The following TRIO variants were observed in gnomAD, a reference collection of about 807,000 sequenced individuals.
TRIO encodes the protein triple functional domain protein.
TRIO carries 58 observed loss-of-function variants against 351.9 expected under a neutral mutation model. The ratio of observed to expected loss-of-function variants is 0.16; its 90% CI spans 0.13 to 0.21. The LOEUF is 0.21. Among genes scored for constraint, TRIO ranks in the 10% least tolerant of loss-of-function variants. TRIO has a pLI of 1.00. For missense variants in TRIO, 3,201 were observed against 4,027.8 expected, an observed-to-expected ratio of 0.79 and a Z score of 5.56; for synonymous variants, 1,758 against 1,595.7, an observed-to-expected ratio of 1.10 and a Z score of -2.42.
intron 6 of TRIO, among the ~76,000 whole-genome samples, chr5:14,296,397 C>A (rs886271198): frequency 1.3e-5 from 2 of 151,940 alleles, no homozygotes; most frequent in Admixed American, 1.3e-4. Flanking sequence ...GCTTGTTCTG[C>A]AAAAAGGGTG....
chr5:14,153,325 C>G (rs1441474064), intron 1 of TRIO, among the ~76,000 whole-genome samples: 1 of 152,192 alleles, frequency 6.6e-6, no homozygotes, highest in Non-Finnish European at 1.5e-5. Context: ...TGAGATAGCA[C>G]CTTTGGAATT....
Position 14,508,464 on chromosome 5 carries a change from C to A in TRIO, c.*42C>A. The stretch of plus-strand genomic sequence containing the variant: ...TTCTCATTCTCTTTCACCTGCCAAT[C>A]AGCTGTTAATCTGAATTTTCAAGAG... On this transcript the variant is annotated 3_prime_UTR_variant, in exon 57 of 57. Coordinates refer to ENST00000344204, the MANE Select transcript of TRIO (RefSeq NM_007118.4). 6.5e-7 allele frequency: 1 copy of A among 1,541,170 alleles called. No homozygotes were observed. Among genetic ancestry groups the A allele is most frequent in the South Asian group, 1.3e-5 (1 of 78,530 alleles).
At chr5:14,175,755 T>C (rs1463243144) in intron 1 of TRIO, among the ~76,000 whole-genome samples, 1 of 152,238 alleles carries the variant, frequency 6.6e-6, no homozygotes, top group Non-Finnish European at 1.5e-5. Flanking sequence ...ATTTCTAACA[T>C]AGAATACTAT....
intron 21 of TRIO, among the ~76,000 whole-genome samples, chr5:14,386,939 G>A (rs987570405): frequency 1.3e-5 from 2 of 152,212 alleles, no homozygotes; most frequent in Non-Finnish European, 2.9e-5. Context: ...GAATTTTGTT[G>A]AGTGCCTGCT....
At chr5:14,322,294 T>C (rs1220531416) in intron 9 of TRIO, among the ~76,000 whole-genome samples, 1 of 152,234 alleles carries the variant, frequency 6.6e-6, no homozygotes, top group Non-Finnish European at 1.5e-5. Context: ...GTTGGTCTTA[T>C]ATCTGGGAGA....
chr5:14,198,375 C>G (rs1790901330), intron 1 of TRIO, among the ~76,000 whole-genome samples: 2 of 152,160 alleles, frequency 1.3e-5, no homozygotes, highest in Admixed American at 6.5e-5. Context: ...TGCTCTCTGC[C>G]TAACATTTAA....
intron 1 of TRIO, among the ~76,000 whole-genome samples, chr5:14,238,530 C>T (rs1336995176): frequency 2.6e-5 from 4 of 152,266 alleles, no homozygotes; most frequent in South Asian, 2.1e-4. Flanking sequence ...GGATTCCTGC[C>T]GCTGGTGCAT....
intron 11 of TRIO, among the ~76,000 whole-genome samples, chr5:14,352,460 T>C (rs1561379330): frequency 1.3e-5 from 2 of 152,262 alleles, no homozygotes; most frequent in African/African-American, 2.4e-5. Flanking sequence ...GTAAGAATTT[T>C]ATAGGCATCC....
intron 31 of TRIO, among the ~76,000 whole-genome samples, chr5:14,402,840 GGTGGTAGTGCTAGTGCAGGCA>G (rs1231671935): frequency 1.3e-5 from 2 of 151,836 alleles, no homozygotes; most frequent in African/African-American, 4.8e-5. Flanking sequence ...TAGTACAGGC[GGTGGTAGTGCTAGTGCAGGCA>G]GTGGTAGTGT....
At chr5:14,363,386 C>T (rs6898836) in intron 13 of TRIO, among the ~76,000 whole-genome samples, 1,922 of 152,170 alleles carry the variant, frequency 0.013, 38 homozygotes, top group African/African-American at 0.043. Flanking sequence ...TTTTGAACAC[C>T]ATTAGGAATA....
Position 14,301,360 on chromosome 5 carries a change from C to G in TRIO, c.1369-3101C>G, listed in dbSNP as rs115039002. Among the ~76,000 whole-genome samples, 1,072 of 152,198 alleles carry G rather than the reference C, an allele frequency of 7.0e-3. 15 individuals carry two copies. The highest frequency in any genetic ancestry group is 0.025 in the African/African-American group (1,034 of 41,528). ...CTGACAGAGCAACATTTCATTCTTTCGCACTCTCCTGCCTTTATCCCCAGT... is the reference window on the plus strand; with the variant it reads ...CTGACAGAGCAACATTTCATTCTTTGGCACTCTCCTGCCTTTATCCCCAGT... On this transcript the variant is annotated intron_variant, in intron 7 of 56. Transcript: ENST00000344204.
intron 34 of TRIO, among the ~76,000 whole-genome samples, chr5:14,439,944 T>C (rs1412031328): frequency 2.6e-5 from 4 of 152,194 alleles, no homozygotes; most frequent in African/African-American, 9.6e-5. Context: ...AGAAAGAAAC[T>C]AGAAGTCTGT....
At chr5:14,227,376 G>A (rs1268289626) in intron 1 of TRIO, among the ~76,000 whole-genome samples, 1 of 152,192 alleles carries the variant, frequency 6.6e-6, no homozygotes, top group Admixed American at 6.5e-5. Flanking sequence ...TTTGTGCGTG[G>A]GAAATTGAAT....
At chr5:14,315,459 G>C (rs1430863492) in intron 8 of TRIO, among the ~76,000 whole-genome samples, 1 of 152,040 alleles carries the variant, frequency 6.6e-6, no homozygotes, top group Non-Finnish European at 1.5e-5. Context: ...CACCATGTTG[G>C]CCAGGATGGT....
At chr5:14,225,871 C>T (rs1177984224) in intron 1 of TRIO, among the ~76,000 whole-genome samples, 1 of 138,632 alleles carries the variant, frequency 7.2e-6, no homozygotes, top group Non-Finnish European at 1.5e-5. Flanking sequence ...CTAGGGCTAT[C>T]TAAGAATTCT....
chr5:14,416,390 A>G (rs1224692387), intron 33 of TRIO, among the ~76,000 whole-genome samples: 1 of 151,962 alleles, frequency 6.6e-6, no homozygotes, highest in South Asian at 2.1e-4. Context: ...CATCCCCAGG[A>G]CAGCTCTTCT....
At chr5:14,159,189 A>G (rs933619708) in intron 1 of TRIO, among the ~76,000 whole-genome samples, 10 of 152,066 alleles carry the variant, frequency 6.6e-5, no homozygotes, top group Non-Finnish European at 1.3e-4. Flanking sequence ...TTTTGGTGTT[A>G]GAAAAAGTGA....
chr5:14,306,745 C>T (rs1738408934), intron 8 of TRIO, among the ~76,000 whole-genome samples: 1 of 152,198 alleles, frequency 6.6e-6, no homozygotes, highest in African/African-American at 2.4e-5. Context: ...CCAGTGTCAT[C>T]CTCCAGCCAA....
intron 1 of TRIO, among the ~76,000 whole-genome samples, chr5:14,237,320 T>C (rs1055494174): frequency 3.3e-5 from 5 of 152,240 alleles, no homozygotes; most frequent in Non-Finnish European, 1.5e-5. Context: ...TTTTAGATTT[T>C]GGACTTTTGG....
Sources: allele counts gnomAD v4.1 joint callset (sites outside exome capture counted in the v4.1 genomes callset), GRCh38; gene constraint gnomAD v4.1.1; transcripts MANE v1.5; gene names NCBI Gene and HGNC (gene_info 2026-07-23, HGNC 2026-07-21).